Variants in MLPH observed in about 807,000 individuals in gnomAD.
MLPH encodes the protein melanophilin, also known as exophilin-3.
In MLPH, 51 loss-of-function variants were observed where a neutral mutation model predicts 72.1. The ratio of observed to expected loss-of-function variants is 0.71; its 90% CI spans 0.56 to 0.89. The LOEUF (loss-of-function observed/expected upper bound fraction) is 0.89. Ranked by LOEUF, MLPH falls within the 40% of genes least tolerant of loss-of-function variation. MLPH has a pLI of 0.00. For missense variants in MLPH, 743 were observed against 759.9 expected, an observed-to-expected ratio of 0.98 and a Z score of 0.26; for synonymous variants, 301 against 310.1, an observed-to-expected ratio of 0.97 and a Z score of 0.31.
At chr2:237,508,339 T>C (rs1314515802) in intron 2 of MLPH, among the ~76,000 whole-genome samples, 2 of 152,152 alleles carry the variant, frequency 1.3e-5, no homozygotes, top group African/African-American at 4.8e-5. Flanking sequence ...CTTGAACTCC[T>C]TACCTCAGGT....
At chr2:237,536,661 A>G (rs1163384514) in intron 9 of MLPH, among the ~76,000 whole-genome samples, 1 of 152,162 alleles carries the variant, frequency 6.6e-6, no homozygotes, top group African/African-American at 2.4e-5. Context: ...CCCCTGCGGA[A>G]CACTGACCCA....
Position 237,553,602 on chromosome 2 carries a change from A to G in MLPH, c.*10A>G. The G allele has an allele frequency of 6.2e-7, 1 of 1,614,246 alleles. No homozygotes were observed. The highest frequency in any genetic ancestry group is 8.5e-7 in the Non-Finnish European group (1 of 1,180,044). On this transcript the variant is annotated 3_prime_UTR_variant, in exon 16 of 16. Transcript: ENST00000264605. ...GGCCCACCAGTCCTAACGGGACAGG[A>G]CAGAGAGACAGAGCAGCCCTGCACT...
chr2:237,532,839 G>A (rs1420543156), intron 8 of MLPH, among the ~76,000 whole-genome samples: 1 of 152,230 alleles, frequency 6.6e-6, no homozygotes, highest in Non-Finnish European at 1.5e-5. Context: ...CTCTCCATAA[G>A]GGTAGCAGAG....
intron 2 of MLPH, among the ~76,000 whole-genome samples, chr2:237,497,831 T>C (rs1475895156): frequency 6.6e-6 from 1 of 152,210 alleles, no homozygotes; most frequent in Non-Finnish European, 1.5e-5. Flanking sequence ...CTGGGTGACA[T>C]CCTCGGGGTC....
At chr2:237,492,748 T>C (rs1053524786) in intron 1 of MLPH, among the ~76,000 whole-genome samples, 7 of 152,232 alleles carry the variant, frequency 4.6e-5, no homozygotes, top group African/African-American at 1.7e-4. Context: ...CAGGCTCATA[T>C]GACCTCCCCC....
rs77115167 is a variant in MLPH at position 237,513,272 on chromosome 2, G to A, written c.445+2171G>A. Among the ~76,000 whole-genome samples, 548 of 152,290 alleles carry A rather than the reference G, an allele frequency of 3.6e-3. 5 individuals carry two copies. Among genetic ancestry groups the A allele is most frequent in the African/African-American group, 0.013 (524 of 41,568 alleles). ...TTCACCAAGGCCTTCCATAGAGGAC[G>A]CGGCAGGCTCTGCAGGAAGCAGCTT... On this transcript the variant is annotated intron_variant, in intron 4 of 15. Coordinates refer to ENST00000264605, the MANE Select transcript of MLPH (RefSeq NM_024101.7).
chr2:237,530,207 A>G (rs1199207041), intron 8 of MLPH, among the ~76,000 whole-genome samples: 2 of 142,874 alleles, frequency 1.4e-5, no homozygotes, highest in East Asian at 4.0e-4. Context: ...CTGGCTCACG[A>G]GTGGGCAACA....
At chr2:237,520,142 C>T (rs1249625724) in intron 6 of MLPH, 113 bp downstream of exon 6, 1 of 1,418,848 alleles carries the variant, frequency 7.0e-7, no homozygotes, top group Non-Finnish European at 9.8e-7. Flanking sequence ...GCCACACAGT[C>T]CCACCTGGCT....
At chr2:237,522,478 T>C (rs866131241) in intron 6 of MLPH, among the ~76,000 whole-genome samples, 77 of 79,152 alleles carry the variant, frequency 9.7e-4, no homozygotes, top group South Asian at 1.4e-3. Context: ...AGTGCTGGAG[T>C]GGAGCTGGGC....
At chr2:237,550,207 GC>G (rs2081003724) in intron 14 of MLPH, among the ~76,000 whole-genome samples, 1 of 152,168 alleles carries the variant, frequency 6.6e-6, no homozygotes, top group South Asian at 2.1e-4. Flanking sequence ...CAAGTATGAA[GC>G]CTCTCCCCCG....
intron 2 of MLPH, among the ~76,000 whole-genome samples, chr2:237,508,286 AT>A (rs1425224841): frequency 6.6e-6 from 1 of 151,870 alleles, no homozygotes; most frequent in African/African-American, 2.4e-5. Flanking sequence ...TAATTTTTGT[AT>A]TTTTAGTAGA....
intron 8 of MLPH, among the ~76,000 whole-genome samples, chr2:237,533,648 A>G (rs2080471529): frequency 6.6e-6 from 1 of 152,180 alleles, no homozygotes; most frequent in African/African-American, 2.4e-5. Context: ...TGAGTCCCCA[A>G]GCCCACTGCT....
chr2:237,553,656 C>T lies in MLPH; in HGVS notation c.*64C>T, dbSNP rs1278682539. The stretch of plus-strand genomic sequence containing the variant: ...TTCCCTCCACCACAGCCATCCTGTC[C>T]CTCATTGGCTCTGTGCTTTCCACTA... On this transcript the variant is annotated 3_prime_UTR_variant, in exon 16 of 16. Transcript: ENST00000264605. 1.9e-6 allele frequency: 3 copies of T among 1,605,698 alleles called. No individual in the cohort carries two copies. The highest frequency in any genetic ancestry group is 2.6e-6 in the Non-Finnish European group (3 of 1,172,266).
intron 12 of MLPH, 197 bp from the exon 13 acceptor site, chr2:237,546,409 T>C: frequency 1.6e-6 from 1 of 615,228 alleles, no homozygotes; most frequent in Non-Finnish European, 2.9e-6. Context: ...CTGGGTATCC[T>C]GTATTTTCAT....
At chr2:237,503,811 G>A (rs905502642) in intron 2 of MLPH, among the ~76,000 whole-genome samples, 7 of 152,120 alleles carry the variant, frequency 4.6e-5, no homozygotes, top group African/African-American at 1.7e-4. Context: ...CTTACCGGTG[G>A]TAAGCAGAAT....
intron 8 of MLPH, among the ~76,000 whole-genome samples, chr2:237,531,777 C>T (rs1455455360): frequency 6.6e-6 from 1 of 152,030 alleles, no homozygotes; most frequent in Non-Finnish European, 1.5e-5. Context: ...AGACTTCAAA[C>T]AAATGGGGCC....
chr2:237,501,049 C>T (rs963516307), intron 2 of MLPH, among the ~76,000 whole-genome samples: 2 of 152,084 alleles, frequency 1.3e-5, no homozygotes, highest in Admixed American at 6.5e-5. Flanking sequence ...CGATGAAATT[C>T]GCCCTCCTCA....
chr2:237,530,425 A>G (rs1009472954), intron 8 of MLPH, among the ~76,000 whole-genome samples: 3 of 152,222 alleles, frequency 2.0e-5, no homozygotes, highest in Non-Finnish European at 2.9e-5. Flanking sequence ...GCATGGCAAT[A>G]TGGGGAATCA....
intron 14 of MLPH, chr2:237,552,121 A>T (rs73999117): frequency 0.025 from 13,428 of 532,738 alleles, 1,492 homozygotes; most frequent in African/African-American, 0.23. Flanking sequence ...TGTTAATGCC[A>T]GTGCCAGAGC....
Sources: gnomAD v4.1 joint callset for allele counts (sites outside exome capture counted in the v4.1 genomes callset) on GRCh38, gnomAD v4.1.1 for gene constraint, MANE v1.5 for transcripts, NCBI Gene and HGNC (gene_info 2026-07-23, HGNC 2026-07-21) for gene names.